The following TRPM8 variants were observed in gnomAD, a reference collection of about 807,000 sequenced individuals.
TRPM8 encodes TRPM8 cationic channel.
TRPM8 carries 110 observed loss-of-function variants against 133.7 expected under a neutral mutation model. That is an observed-to-expected ratio of 0.82 (90% CI 0.70 to 0.96). TRPM8 has a LOEUF of 0.96. Ranked by LOEUF, TRPM8 falls within the 40% of genes least tolerant of loss-of-function variation. TRPM8 has a pLI of 0.00. For synonymous variants in TRPM8, 535 were observed against 532.3 expected, an observed-to-expected ratio of 1.01 and a Z score of -0.07; for missense variants, 1,291 against 1,379.5, an observed-to-expected ratio of 0.94 and a Z score of 1.02.
At chr2:234,007,503 A>G (rs1439056727) in intron 23 of TRPM8, among the ~76,000 whole-genome samples, 1 of 152,254 alleles carries the variant, frequency 6.6e-6, no homozygotes, top group South Asian at 2.1e-4. Context: ...ATAGAAATAG[A>G]TAAGTCATAG....
chr2:233,978,510 C>T (rs545268012), intron 17 of TRPM8, among the ~76,000 whole-genome samples: 6 of 152,126 alleles, frequency 3.9e-5, no homozygotes, highest in South Asian at 2.1e-4. Flanking sequence ...CTTTTTTCTT[C>T]GTTCCTGGTT....
At chr2:233,950,171 G>A in intron 9 of TRPM8, 25 bp downstream of exon 9, 1 of 1,602,016 alleles carries the variant, frequency 6.2e-7, no homozygotes, top group African/African-American at 1.3e-5. Flanking sequence ...CCATGTCTGA[G>A]GGCTGAGAAA....
intron 2 of TRPM8, among the ~76,000 whole-genome samples, chr2:233,929,003 T>C (rs886172626): frequency 7.3e-6 from 1 of 136,274 alleles, no homozygotes; most frequent in Admixed American, 7.7e-5. Context: ...TTTTCTTTTT[T>C]TTTTTATTTT....
intron 1 of TRPM8, among the ~76,000 whole-genome samples, chr2:233,921,681 T>C (rs1387400676): frequency 7.0e-6 from 1 of 143,310 alleles, no homozygotes; most frequent in African/African-American, 2.6e-5. Context: ...TCTTTTCTTT[T>C]TTTTTTTTTT....
intron 22 of TRPM8, among the ~76,000 whole-genome samples, chr2:234,005,415 T>C (rs1447249684): frequency 6.6e-6 from 1 of 152,240 alleles, no homozygotes; most frequent in African/African-American, 2.4e-5. Flanking sequence ...CCTTGCTCTC[T>C]GGCTGTCTGT....
intron 1 of TRPM8, among the ~76,000 whole-genome samples, chr2:233,923,766 C>A (rs1483610968): frequency 6.6e-6 from 1 of 152,080 alleles, no homozygotes. Flanking sequence ...TCTCTTCTGC[C>A]TGGGGAGGCT....
At chr2:233,951,595 G>A (rs1691173888) in intron 9 of TRPM8, among the ~76,000 whole-genome samples, 1 of 152,102 alleles carries the variant, frequency 6.6e-6, no homozygotes, top group African/African-American at 2.4e-5. Flanking sequence ...ACTGTTACAG[G>A]CAACTCATCT....
Position 233,950,090 on chromosome 2 carries a change from T to A in TRPM8, c.1084T>A (p.Leu362Ile). Reference protein sequence around the residue: ...SAVKEKLVRFLPRTVSRLPEE... With the variant: ...SAVKEKLVRFIPRTVSRLPEE... ...CGTCAAGGAGAAGCTGGTGCGCTTT[T>A]TACCCCGCACGGTGTCCCGGCTGCC... The change falls in exon 9 of 26, where the codon TTA becomes ATA. Residue 362 changes from leucine (L) to isoleucine (I), a missense_variant. Leu to Ile is a conservative substitution (Grantham distance 5). Around this residue, in one of 2 missense-constraint regions of TRPM8, gnomAD observed 963 missense variants for 968.9 expected, o/e 0.99. Transcript: ENST00000324695. The A allele has an allele frequency of 6.2e-7, 1 of 1,613,866 alleles. No homozygotes were observed. The highest frequency in any genetic ancestry group is 1.1e-5 in the South Asian group (1 of 91,060).
At position 233,927,632 on chromosome 2, in the gene TRPM8, C is replaced by T. The variant is rs151304445; in HGVS notation, c.117+978C>T. Among the ~76,000 whole-genome samples, 52 of 152,244 alleles carry T rather than the reference C, an allele frequency of 3.4e-4. No individual in the cohort carries two copies. In the East Asian group the frequency reaches 6.2e-3, roughly 18 times the overall value. On this transcript the variant is annotated intron_variant, in intron 2 of 25. Transcript: ENST00000324695. ...TGCTCTCTTCCTTCAACCCCAGTGACGAAGCACCTCTGGGAGGGCCCTTCT... is the reference window on the plus strand; with the variant it reads ...TGCTCTCTTCCTTCAACCCCAGTGATGAAGCACCTCTGGGAGGGCCCTTCT...
Position 233,950,095 on chromosome 2 carries a change from C to T in TRPM8, c.1089C>T (p.Pro363=). Residue 363 remains proline (P), a synonymous_variant, in exon 9 of 26, where the codon CCC becomes CCT. Coordinates refer to ENST00000324695, the MANE Select transcript of TRPM8 (RefSeq NM_024080.5). ...AGGAGAAGCTGGTGCGCTTTTTACC[C>T]CGCACGGTGTCCCGGCTGCCTGAGG... The part of the protein sequence containing the change: ...AVKEKLVRFL[P]RTVSRLPEEE... The T allele has an allele frequency of 6.2e-7, 1 of 1,613,752 alleles. No individual in the cohort carries two copies. The highest frequency in any genetic ancestry group is 1.1e-5 in the South Asian group (1 of 91,052).
chr2:233,984,466 T>C (rs1483976741), intron 20 of TRPM8, among the ~76,000 whole-genome samples: 1 of 152,252 alleles, frequency 6.6e-6, no homozygotes, highest in Non-Finnish European at 1.5e-5. Context: ...CACAGTTGTG[T>C]GAACAGAGCT....
At chr2:233,942,267 A>T (rs1690927256) in intron 5 of TRPM8, among the ~76,000 whole-genome samples, 1 of 151,878 alleles carries the variant, frequency 6.6e-6, no homozygotes, top group Admixed American at 6.6e-5. Flanking sequence ...TTTAGTAGAG[A>T]TGGGGTTTCA....
At chr2:233,977,602 TTGTTGGTGAGGGGTCCCTGGG>T (rs1243786564) in intron 17 of TRPM8, among the ~76,000 whole-genome samples, 1 of 152,004 alleles carries the variant, frequency 6.6e-6, no homozygotes, top group African/African-American at 2.4e-5. Context: ...GAGCAAATGG[TTGTTGGTGAGGGGTCCCTGGG>T]GCTGCTAGCA....
intron 3 of TRPM8, among the ~76,000 whole-genome samples, chr2:233,936,030 A>ATGAC (rs1690726067): frequency 1.3e-5 from 2 of 152,124 alleles, no homozygotes; most frequent in African/African-American, 4.8e-5. Flanking sequence ...CAATAGCCTA[A>ATGAC]GTCACCTTGA....
At chr2:233,975,904 A>AC (rs61516309) in intron 17 of TRPM8, among the ~76,000 whole-genome samples, 8 of 151,802 alleles carry the variant, frequency 5.3e-5, no homozygotes, top group Non-Finnish European at 1.2e-4. Context: ...ACAAAACAAA[A>AC]ACAAATGAAC....
intron 17 of TRPM8, among the ~76,000 whole-genome samples, chr2:233,972,945 C>T (rs1434283476): frequency 6.6e-6 from 1 of 152,230 alleles, no homozygotes; most frequent in Non-Finnish European, 1.5e-5. Flanking sequence ...AAGGGCTCCT[C>T]AAGTGCCGCC....
At chr2:233,969,307 G>A (rs77057472) in intron 15 of TRPM8, among the ~76,000 whole-genome samples, 4,835 of 148,786 alleles carry the variant, frequency 0.032, 265 homozygotes, top group East Asian at 0.23. Flanking sequence ...GAGAAATCCC[G>A]TCACTACCAA....
At chr2:233,994,966 G>A (rs1205134918) in intron 21 of TRPM8, among the ~76,000 whole-genome samples, 1 of 152,200 alleles carries the variant, frequency 6.6e-6, no homozygotes, top group African/African-American at 2.4e-5. Context: ...AAAATGCTAA[G>A]CTAGCAAGTG....
intron 1 of TRPM8, among the ~76,000 whole-genome samples, chr2:233,920,659 A>G (rs1380417143): frequency 1.3e-5 from 2 of 152,202 alleles, no homozygotes; most frequent in African/African-American, 4.8e-5. Context: ...TGCTTTTGGC[A>G]TAGGCATTTT....
Sources: allele counts gnomAD v4.1 joint callset (sites outside exome capture counted in the v4.1 genomes callset), GRCh38; gene constraint gnomAD v4.1.1; regional missense constraint gnomAD v4.1.1; transcripts MANE v1.5; gene names NCBI Gene and HGNC (gene_info 2026-07-23, HGNC 2026-07-21).